CAMK2D: variants seen among roughly 807,000 people sequenced by gnomAD.
CAMK2D encodes calcium/calmodulin-dependent protein kinase type II subunit delta.
Under a neutral mutation model 84.0 loss-of-function variants are expected in CAMK2D, and 37 were observed. That is an observed-to-expected ratio of 0.44 (90% confidence interval 0.34 to 0.58). The LOEUF is 0.58. CAMK2D is among the 20% of genes least tolerant of loss of function. The pLI is 0.02. For synonymous variants in CAMK2D, 202 were observed against 212.5 expected (o/e 0.95, Z 0.43); for missense variants, 448 against 652.5 (o/e 0.69, Z 3.41).
chr4:113,734,895 G>GA (rs59263885), intron 2 of CAMK2D, among the ~76,000 whole-genome samples: 4,667 of 114,740 alleles, frequency 0.041, 157 homozygotes, highest in East Asian at 0.2. Context: ...TAGGAAAATG[G>GA]AAAAAAAAAA....
At chr4:113,734,895 G>GAAAA (rs59263885) in intron 2 of CAMK2D, among the ~76,000 whole-genome samples, 14 of 114,820 alleles carry the variant, frequency 1.2e-4, no homozygotes, top group African/African-American at 3.7e-4. Context: ...TAGGAAAATG[G>GAAAA]AAAAAAAAAA....
At chr4:113,461,553 T>A (rs2097373710) in intron 17 of CAMK2D, among the ~76,000 whole-genome samples, 1 of 152,102 alleles carries the variant, frequency 6.6e-6, no homozygotes, top group Admixed American at 6.6e-5. Context: ...CACTGTGTTA[T>A]GTGTGTAAGG....
intron 4 of CAMK2D, among the ~76,000 whole-genome samples, chr4:113,565,388 C>T (rs550495741): frequency 4.3e-4 from 66 of 152,290 alleles, no homozygotes; most frequent in South Asian, 2.1e-3. Flanking sequence ...TGGTGGCTCA[C>T]GCCTGTAATC....
rs115445601 is a variant in CAMK2D, at chr4:113,681,620, C to T, written c.161-19848G>A. The stretch of plus-strand genomic sequence containing the variant: ...AGTGACATGGCCAGTCCCAAGAAAA[C>T]ATTCACTAATCCCAGAAAACTTCAA... On this transcript the variant is annotated intron_variant, in intron 2 of 20. Transcript: ENST00000511664. 3.5e-3 allele frequency among the ~76,000 whole-genome samples: 529 copies of T among 152,236 alleles called. 1 individual carries two copies. Among genetic ancestry groups the T allele is most frequent in the African/African-American group, 0.012 (485 of 41,526 alleles).
chr4:113,698,894 G>A (rs1383714702), intron 2 of CAMK2D, among the ~76,000 whole-genome samples: 2 of 152,086 alleles, frequency 1.3e-5, no homozygotes, highest in Non-Finnish European at 2.9e-5. Context: ...GTGAAATTAA[G>A]GACGCCAGGG....
intron 2 of CAMK2D, among the ~76,000 whole-genome samples, chr4:113,729,239 C>T (rs143321791): frequency 8.9e-4 from 135 of 152,210 alleles, no homozygotes; most frequent in Non-Finnish European, 1.4e-3. Flanking sequence ...GAATCCAGAA[C>T]AATTTTTTAA....
At chr4:113,650,663 T>G (rs1237862454) in intron 3 of CAMK2D, among the ~76,000 whole-genome samples, 2 of 152,166 alleles carry the variant, frequency 1.3e-5, no homozygotes, top group Non-Finnish European at 2.9e-5. Flanking sequence ...TCACTTCAAT[T>G]TGAAAGTGAG....
chr4:113,558,195 A>C (rs562544734), intron 4 of CAMK2D, among the ~76,000 whole-genome samples: 1 of 152,298 alleles, frequency 6.6e-6, no homozygotes, highest in South Asian at 2.1e-4. Flanking sequence ...ACATATACAA[A>C]AGTTCAGTTT....
At chr4:113,645,340 G>A (rs2099147632) in intron 3 of CAMK2D, among the ~76,000 whole-genome samples, 1 of 152,174 alleles carries the variant, frequency 6.6e-6, no homozygotes, top group Non-Finnish European at 1.5e-5. Flanking sequence ...ATCTTGAGAT[G>A]GATTAAATGA....
At chr4:113,688,418 T>A (rs940352250) in intron 2 of CAMK2D, among the ~76,000 whole-genome samples, 2 of 152,214 alleles carry the variant, frequency 1.3e-5, no homozygotes, top group African/African-American at 4.8e-5. Flanking sequence ...ATGCTCTCTG[T>A]TATATGTACT....
chr4:113,629,376 G>T (rs1169264829), intron 3 of CAMK2D, among the ~76,000 whole-genome samples: 2 of 151,806 alleles, frequency 1.3e-5, no homozygotes, highest in Non-Finnish European at 2.9e-5. Context: ...AAGGAAACAT[G>T]GCATTAACTG....
chr4:113,758,776 A>C (rs1252257697), intron 2 of CAMK2D, among the ~76,000 whole-genome samples: 1 of 152,214 alleles, frequency 6.6e-6, no homozygotes, highest in African/African-American at 2.4e-5. Context: ...GCGAAGACCA[A>C]GGTCTGAGCT....
intron 4 of CAMK2D, among the ~76,000 whole-genome samples, chr4:113,573,967 T>C (rs1359184928): frequency 6.6e-6 from 1 of 152,190 alleles, no homozygotes; most frequent in Non-Finnish European, 1.5e-5. Flanking sequence ...TATTACTCTC[T>C]TACCTTTTAA....
chr4:113,644,126 C>T (rs748711617), intron 3 of CAMK2D, among the ~76,000 whole-genome samples: 4 of 152,044 alleles, frequency 2.6e-5, no homozygotes, highest in Non-Finnish European at 5.9e-5. Context: ...CTTCATAAGA[C>T]GTGCAGACCC....
At chr4:113,572,715 G>A (rs2098759756) in intron 4 of CAMK2D, among the ~76,000 whole-genome samples, 1 of 152,156 alleles carries the variant, frequency 6.6e-6, no homozygotes, top group East Asian at 1.9e-4. Context: ...ATTGTGGAAA[G>A]CAGTATGGTG....
chr4:113,524,644 T>C (rs1289462830), intron 8 of CAMK2D, among the ~76,000 whole-genome samples: 4 of 152,300 alleles, frequency 2.6e-5, no homozygotes, highest in African/African-American at 4.8e-5. Flanking sequence ...TCAATTCTTT[T>C]GGATATATAA....
At chr4:113,527,554 G>C (rs549218532) in intron 8 of CAMK2D, among the ~76,000 whole-genome samples, 1 of 152,108 alleles carries the variant, frequency 6.6e-6, no homozygotes, top group Non-Finnish European at 1.5e-5. Flanking sequence ...TTGTTCTATT[G>C]TGAGACCAGA....
intron 16 of CAMK2D, among the ~76,000 whole-genome samples, chr4:113,485,435 C>T (rs2097756984): frequency 6.6e-6 from 1 of 152,172 alleles, no homozygotes; most frequent in Non-Finnish European, 1.5e-5. Flanking sequence ...TTTCTTCATG[C>T]CTACTTGTCC....
At chr4:113,661,619 A>T in intron 3 of CAMK2D, 94 bp downstream of exon 3, 1 of 567,770 alleles carries the variant, frequency 1.8e-6, no homozygotes, top group Non-Finnish European at 3.0e-6. Flanking sequence ...TAAAAGTTAT[A>T]AATATTCTAG....
Sources: allele counts gnomAD v4.1 joint callset (sites outside exome capture counted in the v4.1 genomes callset), GRCh38; gene constraint gnomAD v4.1.1; transcripts MANE v1.5; gene names NCBI Gene and HGNC (gene_info 2026-07-23, HGNC 2026-07-21).